Variants in WDPCP observed in about 807,000 individuals in gnomAD.
WDPCP encodes the protein WD repeat containing planar cell polarity effector, also known as WD repeat-containing and planar cell polarity effector protein fritz homolog.
Under a neutral mutation model 93.1 loss-of-function variants are expected in WDPCP, and 71 were observed. The observed-to-expected ratio is 0.76, with a 90% CI of 0.63 to 0.93. WDPCP has a LOEUF of 0.93. WDPCP is among the 40% of genes least tolerant of loss of function. WDPCP has a pLI of 0.00. For missense variants in WDPCP, 844 were observed against 887.4 expected (o/e 0.95, Z 0.62); for synonymous variants, 315 against 315.0 (o/e 1.00, Z 0.00).
chr2:63,566,755 C>T (rs185726179), intron 1 of WDPCP, among the ~76,000 whole-genome samples: 1 of 152,244 alleles, frequency 6.6e-6, no homozygotes, highest in East Asian at 1.9e-4. Flanking sequence ...GAGCTCAGTC[C>T]CACAAGACTG....
At chr2:63,592,027 TC>T (rs1205439231), upstream of WDPCP, among the ~76,000 whole-genome samples, 1 of 152,160 alleles carries the variant, frequency 6.6e-6, no homozygotes, top group Non-Finnish European at 1.5e-5. Context: ...GGCTCCAGAG[TC>T]CATCTCTTTA....
At chr2:63,445,151 T>TAA (rs564543441) in intron 6 of WDPCP, among the ~76,000 whole-genome samples, 5 of 139,096 alleles carry the variant, frequency 3.6e-5, no homozygotes, top group Admixed American at 3.0e-4. Flanking sequence ...TTCAGTAAGT[T>TAA]AAAAAAAAAC....
intron 2 of WDPCP, among the ~76,000 whole-genome samples, chr2:63,702,599 C>T (rs562274372): frequency 1.5e-3 from 222 of 150,674 alleles, no homozygotes; most frequent in African/African-American, 4.9e-3. Context: ...AGTGCATTGG[C>T]GCGATTTCGG....
intron 12 of WDPCP, among the ~76,000 whole-genome samples, chr2:63,367,572 A>G (rs1691015055): frequency 6.6e-6 from 1 of 152,186 alleles, no homozygotes; most frequent in South Asian, 2.1e-4. Flanking sequence ...ATGTCTATAT[A>G]TAGCAGGATA....
intron 2 of WDPCP, among the ~76,000 whole-genome samples, chr2:63,774,115 GT>G (rs893125617): frequency 5.9e-5 from 9 of 152,134 alleles, no homozygotes; most frequent in African/African-American, 2.2e-4. Context: ...AGTAAAACAG[GT>G]ATAATTTTAA....
rs1679255710 is a variant in WDPCP, at chr2:63,234,972, TG to T, written c.1915+24334del. Among the ~76,000 whole-genome samples the T allele has an allele frequency of 3.9e-5, 6 of 152,136 alleles. 1 individual carries two copies. The South Asian group carries it at 1.2e-3, about 31-fold the overall frequency. ...CATTAAGCTCTTCTTCAAAATGCTG[TG>T]AAGACAGAAGAAGCTAAATAACTAA... On this transcript the variant is annotated intron_variant, in intron 14 of 17. Transcript: ENST00000272321.
intron 8 of WDPCP, 21 bp downstream of exon 8, chr2:63,437,400 T>A: frequency 6.4e-7 from 1 of 1,561,444 alleles, no homozygotes; most frequent in South Asian, 1.2e-5. Context: ...ATAATATGAC[T>A]ATATAAATCA....
intron 2 of WDPCP, among the ~76,000 whole-genome samples, chr2:63,792,394 T>C (rs1027827377): frequency 6.6e-6 from 1 of 152,140 alleles, no homozygotes; most frequent in African/African-American, 2.4e-5. Context: ...TGGGGGAAAC[T>C]GCCCCCATGA....
chr2:63,361,069 T>C (rs1690410648), intron 12 of WDPCP, among the ~76,000 whole-genome samples: 1 of 152,196 alleles, frequency 6.6e-6, no homozygotes, highest in African/African-American at 2.4e-5. Context: ...TAGTAGAGTG[T>C]TTTCGTGACA....
intron 2 of WDPCP, among the ~76,000 whole-genome samples, chr2:63,774,840 T>A (rs1410414055): frequency 6.6e-6 from 1 of 152,118 alleles, no homozygotes; most frequent in Admixed American, 6.6e-5. Flanking sequence ...GTTTCAATAG[T>A]CTCCCATCTC....
At chr2:63,614,882 G>A (rs751668492) in intron 3 of WDPCP, among the ~76,000 whole-genome samples, 6 of 152,072 alleles carry the variant, frequency 3.9e-5, no homozygotes, top group African/African-American at 1.2e-4. Flanking sequence ...ACATTTCTAC[G>A]CAACTGTCTA....
intron 1 of WDPCP, among the ~76,000 whole-genome samples, chr2:63,547,390 T>A (rs1433940746): frequency 6.6e-6 from 1 of 152,138 alleles, no homozygotes; most frequent in African/African-American, 2.4e-5. Context: ...TACCGTATGA[T>A]CCAGCAATTC....
intron 14 of WDPCP, among the ~76,000 whole-genome samples, chr2:63,258,530 C>G (rs916172215): frequency 7.9e-6 from 1 of 126,106 alleles, no homozygotes; most frequent in Non-Finnish European, 2.0e-5. Context: ...TAAGATTTTT[C>G]AAGCACTTAA....
At chr2:63,396,546 G>A (rs1345962857) in intron 10 of WDPCP, among the ~76,000 whole-genome samples, 2 of 152,188 alleles carry the variant, frequency 1.3e-5, no homozygotes, top group Non-Finnish European at 2.9e-5. Flanking sequence ...CAACATGGAA[G>A]GAGTGAGCGT....
In WDPCP at chr2:63,758,998, C is replaced by A. The variant is rs370965143; in HGVS notation, n.308+54624G>T. On this transcript the variant is annotated intron_variant and non_coding_transcript_variant, in intron 2 of 4. Transcript: ENST00000467687. ...GTTTCACCATGTTGGCCAGGCTGGC[C>A]TCAAACTCCTGACCTCAGGTGATCC... is the stretch of plus-strand genomic sequence containing the variant. Among the ~76,000 whole-genome samples the A allele has an allele frequency of 2.0e-5, 3 of 151,954 alleles. No homozygotes were observed. In the South Asian group the frequency reaches 6.2e-4, roughly 32 times the overall value.
chr2:63,637,270 T>C (rs1709930115), intron 3 of WDPCP, among the ~76,000 whole-genome samples: 1 of 151,586 alleles, frequency 6.6e-6, no homozygotes, highest in African/African-American at 2.4e-5. Context: ...GAGAATTGCT[T>C]AAACCTGGGA....
intron 14 of WDPCP, among the ~76,000 whole-genome samples, chr2:63,200,113 G>A (rs973381955): frequency 6.6e-6 from 1 of 152,202 alleles, no homozygotes; most frequent in African/African-American, 2.4e-5. Flanking sequence ...TGGAATGGGT[G>A]TATTTATCCA....
chr2:63,296,474 C>T (rs1373550599), intron 13 of WDPCP, among the ~76,000 whole-genome samples: 8 of 152,096 alleles, frequency 5.3e-5, no homozygotes, highest in South Asian at 2.1e-4. Flanking sequence ...AGAAATAAAA[C>T]GTATCCAACT....
intron 1 of WDPCP, among the ~76,000 whole-genome samples, chr2:63,510,103 CG>C (rs1434678183): frequency 6.6e-6 from 1 of 152,112 alleles, no homozygotes; most frequent in East Asian, 1.9e-4. Flanking sequence ...CATCCTCATA[CG>C]AAAACCTGGC....
Sources: gnomAD v4.1 joint callset for allele counts (sites outside exome capture counted in the v4.1 genomes callset) on GRCh38, gnomAD v4.1.1 for gene constraint, MANE v1.5 for transcripts, NCBI Gene and HGNC (gene_info 2026-07-23, HGNC 2026-07-21) for gene names.